DRC10: variants seen among roughly 807,000 people sequenced by gnomAD.
DRC10 encodes the protein dynein regulatory complex subunit 10, also known as IQ domain-containing protein D.
At chr12:113,201,526 T>C in the DRC10 span, among the ~76,000 whole-genome samples, 1 of 152,120 alleles carries the variant, frequency 6.6e-6, no homozygotes, top group Non-Finnish European at 1.5e-5. Context: ...CAGAGACACT[T>C]AGTGGGGTGC....
the DRC10 span, chr12:113,200,742 G>T: frequency 6.5e-7 from 1 of 1,536,130 alleles, no homozygotes; most frequent in Non-Finnish European, 8.7e-7. Context: ...GAACGAGGCT[G>T]TTCTCTGAGA....
At chr12:113,195,450 G>T in the DRC10 span, 1 of 1,398,972 alleles carries the variant, frequency 7.1e-7, no homozygotes, top group Non-Finnish European at 9.5e-7. Flanking sequence ...CTTCAATGTG[G>T]CTTCAAATAC....
At chr12:113,220,582 CAAACAAAA>C in the DRC10 span, among the ~76,000 whole-genome samples, 1 of 152,144 alleles carries the variant, frequency 6.6e-6, no homozygotes, top group African/African-American at 2.4e-5. Context: ...ACAAAACAAA[CAAACAAAA>C]CTACCTAATT....
chr12:113,210,976 G>C, the DRC10 span, among the ~76,000 whole-genome samples: 1 of 152,176 alleles, frequency 6.6e-6, no homozygotes, highest in South Asian at 2.1e-4. Flanking sequence ...TTGGGTGACT[G>C]GTAGAGAAAG....
At chr12:113,198,557 A>T in the DRC10 span, among the ~76,000 whole-genome samples, 1 of 152,226 alleles carries the variant, frequency 6.6e-6, no homozygotes, top group African/African-American at 2.4e-5. Context: ...TTCCATTCAT[A>T]TGAAGTGTCT....
At chr12:113,216,697 T>TA in the DRC10 span, among the ~76,000 whole-genome samples, 2 of 152,110 alleles carry the variant, frequency 1.3e-5, no homozygotes, top group African/African-American at 4.8e-5. Flanking sequence ...TAAAACTGCT[T>TA]AAAAAATAAA....
chr12:113,203,990 C>T, the DRC10 span, among the ~76,000 whole-genome samples: 1 of 151,990 alleles, frequency 6.6e-6, no homozygotes, highest in Non-Finnish European at 1.5e-5. Context: ...CCTGTAGTCA[C>T]AGCTACTTGG....
chr12:113,213,914 A>C, the DRC10 span, among the ~76,000 whole-genome samples: 1 of 152,196 alleles, frequency 6.6e-6, no homozygotes, highest in Admixed American at 6.5e-5. Context: ...ACTGCACTCC[A>C]GCCTGGGTGA....
chr12:113,197,560 G>C, the DRC10 span: 1 of 1,533,508 alleles, frequency 6.5e-7, no homozygotes, highest in Non-Finnish European at 8.7e-7. Context: ...ACCCATCTCT[G>C]TATCATATTT....
At chr12:113,197,866 G>A in the DRC10 span, among the ~76,000 whole-genome samples, 57 of 152,236 alleles carry the variant, frequency 3.7e-4, no homozygotes, top group Non-Finnish European at 3.4e-4. Flanking sequence ...GACATCCTAG[G>A]CAGAGAAAGC....
At chr12:113,218,293 C>T in the DRC10 span, among the ~76,000 whole-genome samples, 21 of 150,948 alleles carry the variant, frequency 1.4e-4, no homozygotes, top group Admixed American at 3.9e-4. Context: ...TGCGCCACCA[C>T]GCGCAGCTAA....
chr12:113,203,617 A>T, the DRC10 span, among the ~76,000 whole-genome samples: 1 of 151,836 alleles, frequency 6.6e-6, no homozygotes, highest in African/African-American at 2.4e-5. Context: ...CTGAGATTAT[A>T]GGTGCACGCC....
At chr12:113,211,854 C>T in the DRC10 span, among the ~76,000 whole-genome samples, 26 of 151,904 alleles carry the variant, frequency 1.7e-4, no homozygotes, top group African/African-American at 6.3e-4. Flanking sequence ...TTCCTTGAGC[C>T]CAGGAGTTCA....
At chr12:113,213,176 T>TAAAAAA in the DRC10 span, among the ~76,000 whole-genome samples, 1 of 63,572 alleles carries the variant, frequency 1.6e-5, no homozygotes, top group African/African-American at 5.8e-5. Context: ...CAGAGGGTGC[T>TAAAAAA]AAAAAAAAAA....
At chr12:113,203,431 T>C in the DRC10 span, among the ~76,000 whole-genome samples, 1 of 152,024 alleles carries the variant, frequency 6.6e-6, no homozygotes, top group African/African-American at 2.4e-5. Context: ...AAGACCAGCC[T>C]GGGTAACAGA....
the DRC10 span, among the ~76,000 whole-genome samples, chr12:113,209,151 C>CAAACTCCTGACCTCCCGT: frequency 8.0e-6 from 1 of 125,232 alleles, no homozygotes; most frequent in African/African-American, 3.4e-5. Context: ...AGGCTGTTCT[C>CAAACTCCTGACCTCCCGT]AATCCACCTG....
chr12:113,208,768 T>C, the DRC10 span, among the ~76,000 whole-genome samples: 3 of 152,150 alleles, frequency 2.0e-5, no homozygotes, highest in Admixed American at 6.5e-5. Context: ...TTCTTTCTAC[T>C]GCCCTTGGCC....
At chr12:113,203,028 G>A in the DRC10 span, 4 of 455,144 alleles carry the variant, frequency 8.8e-6, no homozygotes, top group Non-Finnish European at 1.8e-5. Flanking sequence ...TCATGCTACT[G>A]TTTCCCTTTT....
At chr12:113,213,849 C>T in the DRC10 span, among the ~76,000 whole-genome samples, 3 of 152,140 alleles carry the variant, frequency 2.0e-5, no homozygotes, top group African/African-American at 4.8e-5. Flanking sequence ...GAGGCTGAGG[C>T]GGGAGAATTG....
Sources: allele counts gnomAD v4.1 joint callset (sites outside exome capture counted in the v4.1 genomes callset), GRCh38; gene constraint gnomAD v4.1.1; transcripts MANE v1.5; gene names NCBI Gene and HGNC (gene_info 2026-07-23, HGNC 2026-07-21).